Variants in CFAP46 observed in about 807,000 individuals in gnomAD.
The protein encoded by CFAP46 is cilia- and flagella-associated protein 46.
A neutral mutation model predicts 325.7 loss-of-function variants in CFAP46; 245 were observed. That is an observed-to-expected ratio of 0.75 (90% CI 0.68 to 0.84). The LOEUF (loss-of-function observed/expected upper bound fraction) is 0.84. Ranked by LOEUF, CFAP46 falls within the 40% of genes least tolerant of loss-of-function variation. The pLI is 0.00. For synonymous variants in CFAP46, 1,523 were observed against 1,495.9 expected, an observed-to-expected ratio of 1.02 and a Z score of -0.42; for missense variants, 3,346 against 3,543.0, an observed-to-expected ratio of 0.94 and a Z score of 1.41.
rs1848079596 is a variant in CFAP46 at position 132,827,600 on chromosome 10, TCAACTGAC to T, written c.7117+5750_7117+5757del. 6.6e-6 allele frequency among the ~76,000 whole-genome samples: 1 copy of T among 151,968 alleles called. No individual in the cohort carries two copies. Among genetic ancestry groups the T allele is most frequent in the Non-Finnish European group, 1.5e-5 (1 of 68,004 alleles). On this transcript the variant is annotated intron_variant, in intron 50 of 57. Coordinates refer to ENST00000368586, the MANE Select transcript of CFAP46 (RefSeq NM_001200049.3). The surrounding 1 kb of genome is among the most constrained non-coding windows in gnomAD (Gnocchi z 5.7). Reference sequence around the variant, plus strand: ...AGTCCAATTTGAGCATTGTTCAGGTTCAACTGACCACAGGGAGCTGCCTGCATTTAAAG... The same window carrying T: ...AGTCCAATTTGAGCATTGTTCAGGTTCACAGGGAGCTGCCTGCATTTAAAG...
chr10:132,922,362 G>T, intron 12 of CFAP46, 118 bp downstream of exon 12: 2 of 1,449,896 alleles, frequency 1.4e-6, no homozygotes, highest in Non-Finnish European at 1.8e-6. Context: ...CTCGGTCCCA[G>T]GCCTCCTTGC....
chr10:132,879,714 C>A, intron 28 of CFAP46, 83 bp from the exon 29 acceptor site: 1 of 1,341,932 alleles, frequency 7.5e-7, no homozygotes, highest in Non-Finnish European at 9.8e-7. Flanking sequence ...CTGCCCGAGG[C>A]TGTGGTGGAC....
At chr10:132,872,290 G>T (rs1848904183) in intron 32 of CFAP46, among the ~76,000 whole-genome samples, 1 of 152,140 alleles carries the variant, frequency 6.6e-6, no homozygotes, top group African/African-American at 2.4e-5. Flanking sequence ...ATCATGCTCT[G>T]TTGCCCAGGC....
Position 132,817,719 on chromosome 10 carries a change from C to T in CFAP46, c.7118-2805G>A, listed in dbSNP as rs1019762253. Among the ~76,000 whole-genome samples the T allele has an allele frequency of 4.6e-5, 7 of 152,206 alleles. No individual in the cohort carries two copies. Among genetic ancestry groups the T allele is most frequent in the Non-Finnish European group, 5.9e-5 (4 of 68,034 alleles). ...TCAAGGCTCTAGATCACCGGCAGCC[C>T]GGCTTTCAGTGACTCTGTGGTGAGG... On this transcript the variant is annotated intron_variant, in intron 50 of 57. Coordinates refer to ENST00000368586, the MANE Select transcript of CFAP46 (RefSeq NM_001200049.3). This position sits in a 1 kb window ranked among gnomAD's most constrained non-coding sequence, Gnocchi z 4.4.
At chr10:132,851,712 G>A (rs1196926673) in intron 39 of CFAP46, among the ~76,000 whole-genome samples, 1 of 151,972 alleles carries the variant, frequency 6.6e-6, no homozygotes, top group Non-Finnish European at 1.5e-5. Context: ...CACAGCCGGC[G>A]TCGGTGCACC....
chr10:132,920,838 G>A (rs555779167), intron 13 of CFAP46, among the ~76,000 whole-genome samples: 2 of 152,308 alleles, frequency 1.3e-5, no homozygotes, highest in South Asian at 2.1e-4. Flanking sequence ...GTGCTGTCTC[G>A]GCCCCACAGC....
At chr10:132,926,733 A>T (rs962159533) in intron 9 of CFAP46, 67 bp from the exon 10 acceptor site, 28 of 1,162,004 alleles carry the variant, frequency 2.4e-5, no homozygotes, top group Non-Finnish European at 3.4e-5. Context: ...ACATTCATGA[A>T]ATTCAAAGGC....
intron 50 of CFAP46, among the ~76,000 whole-genome samples, chr10:132,823,700 GTGC>G (rs2134897951): frequency 7.4e-6 from 1 of 135,728 alleles, no homozygotes; most frequent in East Asian, 2.4e-4. Context: ...GTGCTGATGT[GTGC>G]TGTGTGCTGA....
intron 19 of CFAP46, among the ~76,000 whole-genome samples, chr10:132,912,287 CCT>C (rs371829834): frequency 1.9e-4 from 15 of 79,312 alleles, no homozygotes; most frequent in East Asian, 1.9e-3. Context: ...CCTCTCTCCT[CCT>C]CTCTCTCTCC....
At chr10:132,865,997 T>C (rs1179184979) in intron 35 of CFAP46, 28 bp downstream of exon 35, 2 of 1,470,148 alleles carry the variant, frequency 1.4e-6, no homozygotes, top group Non-Finnish European at 1.8e-6. Flanking sequence ...CGGCTGTGGA[T>C]GGTGATGGGC....
intron 45 of CFAP46, 82 bp from the exon 46 acceptor site, chr10:132,836,300 G>A: frequency 7.4e-7 from 1 of 1,342,708 alleles, no homozygotes; most frequent in Non-Finnish European, 1.1e-6. Context: ...GACCTCAGAG[G>A]AGCCCAGTGA....
chr10:132,867,340 C>T, intron 34 of CFAP46, 35 bp downstream of exon 34: 1 of 1,534,552 alleles, frequency 6.5e-7, no homozygotes, highest in Non-Finnish European at 8.8e-7. Flanking sequence ...GCCCGCTGGG[C>T]TGCGGGTCAG....
At chr10:132,867,531 A>T (rs1275519827) in intron 33 of CFAP46, 24 bp from the exon 34 acceptor site, 2 of 1,545,874 alleles carry the variant, frequency 1.3e-6, no homozygotes, top group East Asian at 2.4e-5. Context: ...AACAGACAAT[A>T]CGCAAGAGCC....
intron 10 of CFAP46, 54 bp from the exon 11 acceptor site, chr10:132,924,940 C>A: frequency 7.5e-7 from 1 of 1,340,328 alleles, no homozygotes; most frequent in Non-Finnish European, 9.7e-7. Context: ...AGCTGCGGGG[C>A]TGGGGCGGCA....
At chr10:132,811,917 C>G (rs374009854) in intron 55 of CFAP46, among the ~76,000 whole-genome samples, 1 of 152,232 alleles carries the variant, frequency 6.6e-6, no homozygotes, top group Non-Finnish European at 1.5e-5. Flanking sequence ...AGGGCCCACA[C>G]CCCTCATGGG....
intron 50 of CFAP46, among the ~76,000 whole-genome samples, chr10:132,822,784 GTGTGTGCTGTGTGTGTGCTGATGTGTGC>G (rs1847900706): frequency 1.0e-5 from 1 of 99,766 alleles, no homozygotes; most frequent in African/African-American, 3.7e-5. Context: ...GTGTGCACTT[GTGTGTGCTGTGTGTGTGCTGATGTGTGC>G]TGTGTGCTGT....
At chr10:132,912,541 C>A (rs796542895) in intron 19 of CFAP46, 114 bp downstream of exon 19, 1 of 251,752 alleles carries the variant, frequency 4.0e-6, no homozygotes, top group Non-Finnish European at 5.9e-6. Context: ...CTCTCCTCTC[C>A]TCTCTCTCTC....
intron 25 of CFAP46, among the ~76,000 whole-genome samples, chr10:132,888,214 G>T (rs549177533): frequency 2.0e-5 from 3 of 151,702 alleles, no homozygotes; most frequent in South Asian, 4.2e-4. Flanking sequence ...GCTCCACCCC[G>T]TCTAATGGTA....
intron 47 of CFAP46, 96 bp from the exon 48 acceptor site, chr10:132,834,871 C>T (rs533961822): frequency 2.0e-4 from 296 of 1,459,026 alleles, no homozygotes; most frequent in African/African-American, 2.0e-3. Context: ...GAGCTCCTGC[C>T]CCTTCTGCAA....
Sources: gnomAD v4.1 joint callset for allele counts (sites outside exome capture counted in the v4.1 genomes callset) on GRCh38, gnomAD v4.1.1 for gene constraint, Gnocchi (gnomAD v3.1) non-coding constraint, MANE v1.5 for transcripts, NCBI Gene and HGNC (gene_info 2026-07-23, HGNC 2026-07-21) for gene names.